The following PCDH11X variants were observed in gnomAD, a reference collection of about 807,000 sequenced individuals.
PCDH11X encodes protocadherin 11 X-linked, also known as protocadherin-11 X-linked.
Under a neutral mutation model 53.3 loss-of-function variants are expected in PCDH11X, and 18 were observed. That is an observed-to-expected ratio of 0.34 (90% CI 0.23 to 0.50). PCDH11X has a LOEUF of 0.50. PCDH11X is among the 20% of genes least tolerant of loss of function. PCDH11X has a pLI of 0.98. For synonymous variants in PCDH11X, 279 were observed against 393.3 expected (o/e 0.71, Z 3.44); for missense variants, 570 against 1,032.4 (o/e 0.55, Z 6.14).
intron 9 of PCDH11X, among the ~76,000 whole-genome samples, chrX:92,398,258 G>T (rs1186721664): frequency 2.7e-5 from 3 of 110,930 alleles, no homozygotes; most frequent in African/African-American, 6.6e-5. Context: ...CATCTAGAAA[G>T]ATCCCATAAT....
At chrX:92,393,564 T>C (rs1364006019) in intron 9 of PCDH11X, among the ~76,000 whole-genome samples, 1 of 111,081 alleles carries the variant, frequency 9.0e-6, no homozygotes, top group Non-Finnish European at 1.9e-5. Context: ...ATGCTGCTAC[T>C]GAAAATTTAA....
chrX:92,561,703 G>A (rs1324204074), intron 10 of PCDH11X, among the ~76,000 whole-genome samples: 3 of 109,541 alleles, frequency 2.7e-5, no homozygotes, highest in Admixed American at 9.9e-5. Flanking sequence ...GGCCTTAAAG[G>A]GGAGGTAGGG....
intron 9 of PCDH11X, among the ~76,000 whole-genome samples, chrX:92,392,701 A>G (rs1394414156): frequency 1.8e-5 from 2 of 110,761 alleles, no homozygotes; most frequent in Non-Finnish European, 3.8e-5. Context: ...TGAAACTTTA[A>G]AAGAATAAGC....
intron 6 of PCDH11X, among the ~76,000 whole-genome samples, chrX:91,996,133 G>T (rs1454517292): frequency 1.1e-5 from 1 of 94,271 alleles, no homozygotes; most frequent in African/African-American, 4.0e-5. Context: ...GAGCCACCAC[G>T]CCTGGCCTTT....
chrX:91,920,338 A>G (rs762868934), intron 6 of PCDH11X, among the ~76,000 whole-genome samples: 63 of 110,086 alleles, frequency 5.7e-4, no homozygotes, highest in Middle Eastern at 4.7e-3. Context: ...GGGCCACACT[A>G]TACTGTTCCA....
intron 6 of PCDH11X, among the ~76,000 whole-genome samples, chrX:92,068,014 T>C (rs1382908173): frequency 2.7e-5 from 3 of 109,592 alleles, no homozygotes; most frequent in East Asian, 5.8e-4. Context: ...TGTCTCCTTT[T>C]TCATCTCTGA....
Position 91,981,605 on chromosome X carries a change from G to A in PCDH11X, c.3033+102332G>A, listed in dbSNP as rs1441236692. On this transcript the variant is annotated intron_variant, in intron 6 of 10. Coordinates refer to ENST00000682573, the MANE Select transcript of PCDH11X (RefSeq NM_032968.5). ...CACTCTATTAGTCCATTTTCATTGT[G>A]CTGATAAAGACATACCTGAGACTGG... is the stretch of plus-strand genomic sequence containing the variant. Among the ~76,000 whole-genome samples the A allele has an allele frequency of 2.7e-5, 3 of 111,546 alleles. No individual in the cohort carries two copies. In the East Asian group the frequency reaches 8.5e-4, roughly 31 times the overall value.
chrX:92,034,653 A>G (rs777410007), intron 6 of PCDH11X, among the ~76,000 whole-genome samples: 1 of 109,985 alleles, frequency 9.1e-6, no homozygotes, highest in South Asian at 3.9e-4. Context: ...AACTATGTTT[A>G]TTGTAATCAA....
intron 1 of PCDH11X, among the ~76,000 whole-genome samples, chrX:91,808,629 G>C (rs1449258254): frequency 2.7e-5 from 3 of 110,533 alleles, no homozygotes; most frequent in African/African-American, 9.9e-5. Context: ...AAAGTATTTT[G>C]ATCTTTGCTT....
At chrX:92,565,732 A>G (rs145165718) in intron 10 of PCDH11X, among the ~76,000 whole-genome samples, 9,389 of 106,481 alleles carry the variant, frequency 0.088, 381 homozygotes, top group Admixed American at 0.2. Flanking sequence ...TGATAGAACA[A>G]CAGAGGACTA....
At chrX:91,910,834 A>G (rs1268887629) in intron 6 of PCDH11X, among the ~76,000 whole-genome samples, 1 of 111,515 alleles carries the variant, frequency 9.0e-6, no homozygotes, top group Non-Finnish European at 1.9e-5. Flanking sequence ...AACTATAAAT[A>G]TAATTGGTTC....
At chrX:92,400,531 A>C (rs565008464) in intron 9 of PCDH11X, among the ~76,000 whole-genome samples, 1 of 111,539 alleles carries the variant, frequency 9.0e-6, no homozygotes, top group East Asian at 2.8e-4. Context: ...AGTCATAAAA[A>C]AGAAACGTCC....
chrX:92,434,347 A>G (rs2072320833), intron 9 of PCDH11X, among the ~76,000 whole-genome samples: 1 of 109,421 alleles, frequency 9.1e-6, no homozygotes, highest in African/African-American at 3.4e-5. Context: ...ATTACATGAT[A>G]CTACTTTTTT....
intron 6 of PCDH11X, chrX:92,114,516 T>A (rs985125753): frequency 2.4e-5 from 11 of 450,833 alleles, no homozygotes; most frequent in Non-Finnish European, 4.2e-5. Flanking sequence ...TTTGATTCTG[T>A]TGAATTTCCA....
At chrX:92,425,469 G>GT (rs779801861) in intron 9 of PCDH11X, among the ~76,000 whole-genome samples, 9 of 106,368 alleles carry the variant, frequency 8.5e-5, no homozygotes, top group African/African-American at 3.1e-4. Context: ...GAAAATAGAA[G>GT]TTTGCATTTT....
At chrX:91,942,748 A>G (rs961776892) in intron 6 of PCDH11X, among the ~76,000 whole-genome samples, 23 of 111,041 alleles carry the variant, frequency 2.1e-4, no homozygotes, top group African/African-American at 7.2e-4. Context: ...AAACAAAACT[A>G]AAAATCCAAA....
chrX:92,545,131 C>T (rs1351884394), intron 10 of PCDH11X, among the ~76,000 whole-genome samples: 2 of 111,377 alleles, frequency 1.8e-5, no homozygotes, highest in African/African-American at 6.5e-5. Context: ...TTTTGGTACA[C>T]TCTGTGGGAG....
chrX:92,363,067 T>C (rs192016200), intron 8 of PCDH11X, among the ~76,000 whole-genome samples: 2,284 of 111,306 alleles, frequency 0.021, 57 homozygotes, highest in African/African-American at 0.069. Context: ...TTGTAGTAAG[T>C]TTACAAGTAA....
intron 1 of PCDH11X, among the ~76,000 whole-genome samples, chrX:91,795,646 C>A (rs1935708354): frequency 9.0e-6 from 1 of 110,804 alleles, no homozygotes; most frequent in African/African-American, 3.3e-5. Flanking sequence ...CATTTACCTT[C>A]TTGAATGTTA....
Sources: allele counts gnomAD v4.1 joint callset (sites outside exome capture counted in the v4.1 genomes callset), GRCh38; gene constraint gnomAD v4.1.1; transcripts MANE v1.5; gene names NCBI Gene and HGNC (gene_info 2026-07-23, HGNC 2026-07-21).